The following R3HDML variants were observed in gnomAD, a reference collection of about 807,000 sequenced individuals.
R3HDML encodes the protein R3H domain containing like.
R3HDML carries 21 observed loss-of-function variants against 24.2 expected under a neutral mutation model. The observed-to-expected ratio is 0.87, with a 90% CI of 0.62 to 1.25. R3HDML has a LOEUF of 1.25. Among genes scored for constraint, R3HDML ranks in the 50% most tolerant of loss-of-function variants. The pLI, the probability that R3HDML is intolerant of heterozygous loss-of-function variation, is 0.00. For synonymous variants in R3HDML, 133 were observed against 131.5 expected (o/e 1.01, Z -0.08); for missense variants, 301 against 340.3 (o/e 0.88, Z 0.91).
intron 3 of R3HDML, chr20:44,344,976 T>C (rs2062782409): frequency 4.6e-6 from 2 of 431,468 alleles, no homozygotes; most frequent in East Asian, 4.8e-5. Flanking sequence ...GATAACATGA[T>C]AAGGCTAGTG....
chr20:44,342,317 GGGCCC>G (rs113117172), intron 2 of R3HDML, among the ~76,000 whole-genome samples: 21 of 152,272 alleles, frequency 1.4e-4, no homozygotes, highest in African/African-American at 4.6e-4. Flanking sequence ...TGGAAATTCA[GGGCCC>G]TGTCTGTGTT....
intron 4 of R3HDML, among the ~76,000 whole-genome samples, chr20:44,347,002 C>T (rs1380389505): frequency 6.6e-6 from 1 of 151,982 alleles, no homozygotes; most frequent in East Asian, 1.9e-4. Context: ...ATTAGCTGGG[C>T]ATGGTGGCGC....
intron 4 of R3HDML, among the ~76,000 whole-genome samples, chr20:44,345,940 C>A (rs2062785750): frequency 6.6e-6 from 1 of 152,066 alleles, no homozygotes; most frequent in Non-Finnish European, 1.5e-5. Context: ...CTGCCTCAGC[C>A]TCCCGAGTAG....
chr20:44,350,740 A>G lies in R3HDML; in HGVS notation c.710A>G (p.Asn237Ser). The change falls in exon 5 of 5, where the codon AAT becomes AGT. Residue 237 changes from asparagine to serine, a missense_variant. Physicochemically the swap from Asn to Ser is conservative, Grantham distance 46. Coordinates refer to ENST00000217043, the MANE Select transcript of R3HDML (RefSeq NM_178491.4). ...CCCCCCAGTTATCAAGGCAGCTGCA[A>G]TAGCAACATGTGCTTCAAGGGGCTG... Reference protein sequence around the residue: ...SCPPSYQGSCNSNMCFKGLKS... With the variant: ...SCPPSYQGSCSSNMCFKGLKS... The G allele has an allele frequency of 2.5e-6, 4 of 1,614,168 alleles. No individual in the cohort carries two copies. The highest frequency in any genetic ancestry group is 3.4e-6 in the Non-Finnish European group (4 of 1,180,020).
chr20:44,343,621 C>A, intron 3 of R3HDML, 112 bp downstream of exon 3: 1 of 1,131,526 alleles, frequency 8.8e-7, no homozygotes, highest in Non-Finnish European at 1.2e-6. Context: ...TTATGAGCTT[C>A]TTTTCACCAA....
chr20:44,337,193 C>A lies in R3HDML; in HGVS notation c.36C>A (p.Gly12=). 6.2e-7 allele frequency: 1 copy of A among 1,613,588 alleles called. No homozygotes were observed. The highest frequency in any genetic ancestry group is 8.5e-7 in the Non-Finnish European group (1 of 1,179,968). Reference sequence around the variant, plus strand: ...TGCCCAGCACCGTGGGCCTGGCAGGCCTGCTCTTCTGGGCTGGCCAGGCAG... The same window carrying A: ...TGCCCAGCACCGTGGGCCTGGCAGGACTGCTCTTCTGGGCTGGCCAGGCAG... ...PLLPSTVGLA[G]LLFWAGQAVN... Residue 12 remains glycine, a synonymous_variant, in exon 1 of 5, where the codon GGC becomes GGA. Coordinates refer to ENST00000217043, the MANE Select transcript of R3HDML (RefSeq NM_178491.4). The surrounding 1 kb of genome is among the most constrained non-coding windows in gnomAD (Gnocchi z 4.7).
intron 2 of R3HDML, 26 bp downstream of exon 2, chr20:44,341,340 A>T: frequency 6.5e-7 from 1 of 1,549,112 alleles, no homozygotes; most frequent in Non-Finnish European, 8.9e-7. Flanking sequence ...CCCTTCCTTC[A>T]CTCAGTCATT....
At chr20:44,338,573 A>G (rs2062763979) in intron 1 of R3HDML, among the ~76,000 whole-genome samples, 1 of 152,134 alleles carries the variant, frequency 6.6e-6, no homozygotes, top group Admixed American at 6.5e-5. Flanking sequence ...CAAATGGCAC[A>G]TTTATTGAGC....
Position 44,337,222 on chromosome 20 carries a change from A to G in R3HDML, c.65A>G (p.Asn22Ser), listed in dbSNP as rs1408050221. Residue 22 changes from asparagine to serine, a missense_variant, in exon 1 of 5, where the codon AAC becomes AGC. Coordinates refer to ENST00000217043, the MANE Select transcript of R3HDML (RefSeq NM_178491.4). The surrounding 1 kb of genome is among the most constrained non-coding windows in gnomAD (Gnocchi z 4.7). Reference protein sequence around the residue: ...GLLFWAGQAVNALIMPNATPA... With the variant: ...GLLFWAGQAVSALIMPNATPA... ...CTCTTCTGGGCTGGCCAGGCAGTGA[A>G]CGCCTTGATAATGCCTAATGCTACC... 6.2e-7 allele frequency: 1 copy of G among 1,613,806 alleles called. No homozygotes were observed. Among genetic ancestry groups the G allele is most frequent in the Admixed American group, 1.7e-5 (1 of 60,032 alleles).
At chr20:44,340,037 C>T (rs1217386047) in intron 1 of R3HDML, among the ~76,000 whole-genome samples, 1 of 152,150 alleles carries the variant, frequency 6.6e-6, no homozygotes, top group South Asian at 2.1e-4. Context: ...TCACTGCAAC[C>T]TCGGTCTCCC....
At position 44,339,258 on chromosome 20, in the gene R3HDML, C is replaced by T. The variant is rs7272364; in HGVS notation, c.261+1840C>T. 4.0e-3 allele frequency among the ~76,000 whole-genome samples: 601 copies of T among 152,108 alleles called. 3 individuals are homozygous for T. Among genetic ancestry groups the T allele is most frequent in the African/African-American group, 0.014 (585 of 41,492 alleles). On this transcript the variant is annotated intron_variant, in intron 1 of 4. Coordinates refer to ENST00000217043, the MANE Select transcript of R3HDML (RefSeq NM_178491.4). The stretch of plus-strand genomic sequence containing the variant: ...TGGCTCCCATTTCTCACTCTCACAC[C>T]GACCAGGACTGTAATAATCAATGAC...
chr20:44,342,330 GT>G (rs906380232), intron 2 of R3HDML, among the ~76,000 whole-genome samples: 4 of 152,126 alleles, frequency 2.6e-5, no homozygotes, highest in Non-Finnish European at 5.9e-5. Context: ...CCCTGTCTGT[GT>G]TTTTTCATGT....
chr20:44,340,730 C>G (rs2062770029), intron 1 of R3HDML, among the ~76,000 whole-genome samples: 1 of 152,102 alleles, frequency 6.6e-6, no homozygotes. Flanking sequence ...CCCACTGTAC[C>G]AGGAGGCAGA....
At position 44,337,247 on chromosome 20, in the gene R3HDML, C is replaced by T; in HGVS notation, c.90C>T (p.Thr30=). 1 of 1,614,050 alleles carries T rather than the reference C, an allele frequency of 6.2e-7. No homozygotes were observed. The highest frequency in any genetic ancestry group is 8.5e-7 in the Non-Finnish European group (1 of 1,180,014). ...ACGCCTTGATAATGCCTAATGCTACCCCAGCCCCGGCCCAGCCCGAGAGCA... is the reference window on the plus strand; with the variant it reads ...ACGCCTTGATAATGCCTAATGCTACTCCAGCCCCGGCCCAGCCCGAGAGCA... ...AVNALIMPNA[T]PAPAQPESTA... The change falls in exon 1 of 5, where the codon ACC becomes ACT. Residue 30 remains threonine (T), a synonymous_variant. Coordinates refer to ENST00000217043, the MANE Select transcript of R3HDML (RefSeq NM_178491.4). The surrounding 1 kb of genome is among the most constrained non-coding windows in gnomAD (Gnocchi z 4.7).
chr20:44,337,299 G>C lies in R3HDML; in HGVS notation c.142G>C (p.Glu48Gln), dbSNP rs757378884. The C allele has an allele frequency of 1.2e-4, 189 of 1,614,100 alleles. 2 individuals are homozygous for C. The South Asian group carries it at 2.0e-3, about 17-fold the overall frequency. ...STAMRLLSGL[E>Q]VPRYRRKRHI... Reference sequence around the variant, plus strand: ...GGCTATGCGGCTCCTGAGTGGCCTGGAGGTGCCCAGGTACCGCCGGAAGCG... The same window carrying C: ...GGCTATGCGGCTCCTGAGTGGCCTGCAGGTGCCCAGGTACCGCCGGAAGCG... Residue 48 changes from glutamate (E) to glutamine (Q), a missense_variant, in exon 1 of 5, where the codon GAG (glutamate) becomes CAG (glutamine). Glu to Gln is a conservative substitution (Grantham distance 29). Coordinates refer to ENST00000217043, the MANE Select transcript of R3HDML (RefSeq NM_178491.4). This position sits in a 1 kb window ranked among gnomAD's most constrained non-coding sequence, Gnocchi z 4.7.
chr20:44,344,985 T>C (rs1245582285), intron 3 of R3HDML: 3 of 457,788 alleles, frequency 6.6e-6, no homozygotes, highest in Non-Finnish European at 1.2e-5. Flanking sequence ...ATAAGGCTAG[T>C]GATTTGTAAA....
At chr20:44,344,333 G>T (rs142002736) in intron 3 of R3HDML, among the ~76,000 whole-genome samples, 15,264 of 151,028 alleles carry the variant, frequency 0.1, 956 homozygotes, top group Middle Eastern at 0.17. Flanking sequence ...TCCCAGCTAC[G>T]TGGGAGGCTG....
At chr20:44,348,461 CCCCTTTCTCCTTTT>C (rs905303537) in intron 4 of R3HDML, among the ~76,000 whole-genome samples, 11 of 131,062 alleles carry the variant, frequency 8.4e-5, no homozygotes, top group South Asian at 4.6e-4. Flanking sequence ...TTTCCCTTTT[CCCCTTTCTCCTTTT>C]CCCTTTCTCC....
In R3HDML at chr20:44,343,476, C is replaced by G. The variant is rs1413572783; in HGVS notation, c.480C>G (p.Arg160=). The change falls in exon 3 of 5, where the codon CGC becomes CGG. Residue 160 remains arginine, a synonymous_variant. Coordinates refer to ENST00000217043, the MANE Select transcript of R3HDML (RefSeq NM_178491.4). ...ACTGTAACCCACACTGCCCCTGGCG[C>G]TGCGATGGCCCCACCTGCTCCCATT... ...PRDCNPHCPW[R]CDGPTCSHYT... The G allele has an allele frequency of 6.2e-7, 1 of 1,612,220 alleles. No homozygotes were observed. The highest frequency in any genetic ancestry group is 8.5e-7 in the Non-Finnish European group (1 of 1,179,216).
Sources: allele counts gnomAD v4.1 joint callset (sites outside exome capture counted in the v4.1 genomes callset), GRCh38; gene constraint gnomAD v4.1.1; non-coding constraint Gnocchi (gnomAD v3.1); transcripts MANE v1.5; gene names NCBI Gene and HGNC (gene_info 2026-07-23, HGNC 2026-07-21).